The following MRAP2 variants were observed in gnomAD, a reference collection of about 807,000 sequenced individuals.
MRAP2 encodes the protein melanocortin-2 receptor accessory protein 2.
MRAP2 carries 20 observed loss-of-function variants against 17.4 expected under a neutral mutation model. The observed-to-expected ratio is 1.15, with a 90% CI of 0.81 to 1.67. The LOEUF is 1.67. Among genes scored for constraint, MRAP2 ranks in the 40% most tolerant of loss-of-function variants. The pLI is 0.00. For synonymous variants in MRAP2, 96 were observed against 88.4 expected, an observed-to-expected ratio of 1.09 and a Z score of -0.48; for missense variants, 238 against 240.0, an observed-to-expected ratio of 0.99 and a Z score of 0.05.
the MRAP2 span, among the ~76,000 whole-genome samples, chr6:84,125,609 C>A: frequency 6.6e-6 from 1 of 152,104 alleles, no homozygotes; most frequent in African/African-American, 2.4e-5. Context: ...ACTAGAGACA[C>A]CGAAGAGATC....
chr6:84,088,121 C>T (rs1282153018), intron 3 of MRAP2, among the ~76,000 whole-genome samples: 2 of 152,168 alleles, frequency 1.3e-5, no homozygotes, highest in African/African-American at 4.8e-5. Flanking sequence ...GAGGATTACA[C>T]ATCTGTTGAG....
the MRAP2 span, among the ~76,000 whole-genome samples, chr6:84,117,014 C>T: frequency 7.7e-4 from 113 of 147,334 alleles, no homozygotes; most frequent in Admixed American, 1.2e-3. Flanking sequence ...TCTCTTTTTT[C>T]TTCTTCTTTC....
chr6:84,132,178 C>A, the MRAP2 span, among the ~76,000 whole-genome samples: 2 of 152,202 alleles, frequency 1.3e-5, no homozygotes, highest in East Asian at 3.8e-4. Context: ...CCCCCACTCT[C>A]TTCTGGCTTG....
chr6:84,040,829 A>G (rs2099487351), intron 1 of MRAP2, among the ~76,000 whole-genome samples: 1 of 152,220 alleles, frequency 6.6e-6, no homozygotes, highest in Admixed American at 6.5e-5. Flanking sequence ...GTGACAGAGC[A>G]TAAAAGTTTT....
chr6:84,123,967 TCAA>T, the MRAP2 span, among the ~76,000 whole-genome samples: 2 of 152,096 alleles, frequency 1.3e-5, no homozygotes, highest in East Asian at 1.9e-4. Context: ...GAAAAAGTGG[TCAA>T]CGTCACTAAT....
downstream of MRAP2, among the ~76,000 whole-genome samples, chr6:84,095,687 T>C (rs2099502556): frequency 6.6e-6 from 1 of 152,220 alleles, no homozygotes; most frequent in East Asian, 1.9e-4. Context: ...ATCCATCCTG[T>C]CACCCAGAAA....
rs45583848 is a variant in MRAP2 at position 84,089,817 on chromosome 6, T to G, written c.*336T>G. 0.16 allele frequency: 35,078 copies of G among 223,280 alleles called. 6,625 individuals carry two copies. Among genetic ancestry groups the G allele is most frequent in the African/African-American group, 0.52 (22,697 of 43,400 alleles). The allele number at this position is 223,280 out of a possible 1,614,324, so 13.8% of individuals were successfully genotyped here. ...TTTATTAAAACATGAGTTTTGTTTTTTTTTTTGCTATTTTTTTTAAAGCTC... is the reference window on the plus strand; with the variant it reads ...TTTATTAAAACATGAGTTTTGTTTTGTTTTTTGCTATTTTTTTTAAAGCTC... On this transcript the variant is annotated 3_prime_UTR_variant, in exon 4 of 4. Coordinates refer to ENST00000257776, the MANE Select transcript of MRAP2 (RefSeq NM_138409.4).
the MRAP2 span, among the ~76,000 whole-genome samples, chr6:84,135,202 C>G: frequency 2.0e-5 from 3 of 152,126 alleles, no homozygotes; most frequent in Admixed American, 2.0e-4. Flanking sequence ...AAAACACATG[C>G]ATAGTGAATC....
At chr6:84,102,714 T>C in the MRAP2 span, among the ~76,000 whole-genome samples, 4 of 152,122 alleles carry the variant, frequency 2.6e-5, no homozygotes, top group South Asian at 8.3e-4. Flanking sequence ...TGTAAGACAT[T>C]AGAGGTCTGT....
At chr6:84,056,075 C>G (rs946523602) in intron 2 of MRAP2, among the ~76,000 whole-genome samples, 3 of 152,206 alleles carry the variant, frequency 2.0e-5, no homozygotes, top group Non-Finnish European at 4.4e-5. Context: ...AACATCCTTG[C>G]TTCATTAGGT....
chr6:84,126,740 C>T, the MRAP2 span, among the ~76,000 whole-genome samples: 2 of 152,136 alleles, frequency 1.3e-5, no homozygotes, highest in Non-Finnish European at 2.9e-5. Context: ...CCATCTTCTA[C>T]CTCCCAAGTA....
intron 1 of MRAP2, among the ~76,000 whole-genome samples, chr6:84,041,196 C>T (rs917802462): frequency 6.6e-6 from 1 of 152,212 alleles, no homozygotes; most frequent in African/African-American, 2.4e-5. Context: ...GTTTAAGCCC[C>T]AAGCCTTGGC....
At chr6:84,114,286 T>C in the MRAP2 span, among the ~76,000 whole-genome samples, 1 of 152,162 alleles carries the variant, frequency 6.6e-6, no homozygotes, top group African/African-American at 2.4e-5. Flanking sequence ...CTTTTCATTC[T>C]TTTTTCTCTA....
At chr6:84,034,622 G>A (rs1423248795) in intron 1 of MRAP2, among the ~76,000 whole-genome samples, 2 of 151,606 alleles carry the variant, frequency 1.3e-5, no homozygotes. Flanking sequence ...TCCACAGCAT[G>A]TTAGATGGCA....
the MRAP2 span, among the ~76,000 whole-genome samples, chr6:84,105,130 T>TCTTCTGAGTC: frequency 1.3e-5 from 2 of 152,176 alleles, no homozygotes; most frequent in Non-Finnish European, 2.9e-5. Flanking sequence ...CATTTTCCTG[T>TCTTCTGAGTC]CTTCTTCTGA....
chr6:84,134,925 C>T, the MRAP2 span, among the ~76,000 whole-genome samples: 8,777 of 134,228 alleles, frequency 0.065, 620 homozygotes, highest in African/African-American at 0.21. Flanking sequence ...TATATACACA[C>T]ACACACACAC....
intron 1 of MRAP2, among the ~76,000 whole-genome samples, chr6:84,051,270 G>A (rs1458549623): frequency 6.6e-6 from 1 of 152,220 alleles, no homozygotes; most frequent in Non-Finnish European, 1.5e-5. Flanking sequence ...TAAGAAGGTA[G>A]AGAGGACTGG....
At chr6:84,055,813 C>T (rs2099491576) in intron 2 of MRAP2, among the ~76,000 whole-genome samples, 1 of 152,108 alleles carries the variant, frequency 6.6e-6, no homozygotes, top group Admixed American at 6.5e-5. Context: ...TTTGAAGAAC[C>T]TTCTTTTGTA....
chr6:84,076,603 A>C (rs919953076), intron 3 of MRAP2, among the ~76,000 whole-genome samples: 5 of 152,052 alleles, frequency 3.3e-5, no homozygotes. Context: ...CAAGTGATCC[A>C]CCTGCCTCGG....
Sources: allele counts gnomAD v4.1 joint callset (sites outside exome capture counted in the v4.1 genomes callset), GRCh38; gene constraint gnomAD v4.1.1; transcripts MANE v1.5; gene names NCBI Gene and HGNC (gene_info 2026-07-23, HGNC 2026-07-21).